Variants in PKHD1 observed in about 807,000 individuals in gnomAD.
The protein encoded by PKHD1 is fibrocystin.
PKHD1 carries 291 observed loss-of-function variants against 412.0 expected under a neutral mutation model. The ratio of observed to expected loss-of-function variants is 0.71; its 90% CI spans 0.64 to 0.78. The LOEUF (loss-of-function observed/expected upper bound fraction) is 0.78, where lower values mean the gene tolerates loss of function less well. Ranked by LOEUF, PKHD1 falls within the 30% of genes least tolerant of loss-of-function variation. The pLI is 0.00. For synonymous variants in PKHD1, 1,777 were observed against 1,821.5 expected (o/e 0.98, Z 0.62); for missense variants, 4,825 against 4,950.7 (o/e 0.97, Z 0.76).
chr6:51,820,664 A>T (rs1284046302), intron 52 of PKHD1, among the ~76,000 whole-genome samples: 2 of 152,186 alleles, frequency 1.3e-5, no homozygotes, highest in Admixed American at 1.3e-4. Flanking sequence ...TCTGGGACAT[A>T]TAAAATGTTA....
At chr6:51,658,426 G>A (rs888525400) in intron 61 of PKHD1, among the ~76,000 whole-genome samples, 1 of 152,102 alleles carries the variant, frequency 6.6e-6, no homozygotes, top group Admixed American at 6.6e-5. Flanking sequence ...GTGTGAGGAC[G>A]TGGTTTTCTT....
At chr6:51,997,768 G>A (rs747009915) in intron 35 of PKHD1, among the ~76,000 whole-genome samples, 7 of 152,208 alleles carry the variant, frequency 4.6e-5, no homozygotes, top group Non-Finnish European at 8.8e-5. Context: ...ACACATCACC[G>A]ATGACATGGG....
chr6:51,912,270 A>G, intron 38 of PKHD1, 96 bp downstream of exon 38: 1 of 819,902 alleles, frequency 1.2e-6, no homozygotes. Flanking sequence ...CAGAAGAAAT[A>G]TATCATTGAA....
At chr6:52,082,667 T>A in intron 3 of PKHD1, 125 bp from the exon 4 acceptor site, 1 of 822,142 alleles carries the variant, frequency 1.2e-6, no homozygotes, top group Non-Finnish European at 2.1e-6. Context: ...AAATTAATAC[T>A]CCTCATTTCC....
intron 60 of PKHD1, among the ~76,000 whole-genome samples, chr6:51,666,858 T>C (rs1471509858): frequency 6.6e-6 from 1 of 152,088 alleles, no homozygotes; most frequent in Admixed American, 6.5e-5. Context: ...TCCATGTCCC[T>C]ACAAAGGACA....
At chr6:51,715,322 C>T (rs567980642) in intron 60 of PKHD1, among the ~76,000 whole-genome samples, 4,272 of 152,218 alleles carry the variant, frequency 0.028, 216 homozygotes, top group African/African-American at 0.098. Context: ...CAACTCCCCT[C>T]CTTCATTATG....
chr6:52,049,398 A>G (rs1032781192), intron 22 of PKHD1, among the ~76,000 whole-genome samples: 12 of 152,238 alleles, frequency 7.9e-5, no homozygotes, highest in Non-Finnish European at 1.6e-4. Flanking sequence ...TCACCGACAG[A>G]TACATTGTTA....
chr6:51,911,605 G>T (rs996074583), intron 39 of PKHD1, among the ~76,000 whole-genome samples, 194 bp downstream of exon 39: 2 of 152,074 alleles, frequency 1.3e-5, no homozygotes, highest in Admixed American at 6.6e-5. Flanking sequence ...TCACAAGGTT[G>T]TTGGGCAGTG....
intron 16 of PKHD1, among the ~76,000 whole-genome samples, chr6:52,057,793 G>A (rs906496326): frequency 4.6e-5 from 7 of 152,176 alleles, no homozygotes; most frequent in South Asian, 2.1e-4. Flanking sequence ...CTTTTAGACT[G>A]TAAGCTTTAG....
At chr6:51,672,090 C>T (rs916760347) in intron 60 of PKHD1, among the ~76,000 whole-genome samples, 1 of 152,186 alleles carries the variant, frequency 6.6e-6, no homozygotes, top group Non-Finnish European at 1.5e-5. Flanking sequence ...TACCCCAATC[C>T]TACATCTCTT....
At chr6:51,697,941 C>T (rs56389801) in intron 60 of PKHD1, among the ~76,000 whole-genome samples, 32,405 of 152,028 alleles carry the variant, frequency 0.21, 4,055 homozygotes, top group African/African-American at 0.35. Flanking sequence ...TAAAACAATG[C>T]TTATACATTC....
chr6:51,702,890 AT>A (rs11447702), intron 60 of PKHD1, among the ~76,000 whole-genome samples: 26,675 of 138,134 alleles, frequency 0.19, 2,538 homozygotes, highest in African/African-American at 0.29. Context: ...TCAGAAATCA[AT>A]TTTTTTTTTT....
chr6:52,079,967 T>C lies in PKHD1; in HGVS notation c.323A>G (p.Glu108Gly). The change falls in exon 5 of 67, where the codon GAA becomes GGA. Residue 108 changes from glutamate to glycine, a missense_variant. Coordinates refer to ENST00000371117, the MANE Select transcript of PKHD1 (RefSeq NM_138694.4). ...TACCAGCTGTCCCCCGAAGTATGCT[T>C]CCAGGAAGTACAGACCCTCATGTGC... ...SEAHEGLYFL[E>G]AYFGGQLVSS... The C allele has an allele frequency of 6.2e-7, 1 of 1,611,808 alleles. No homozygotes were observed. The highest frequency in any genetic ancestry group is 1.7e-5 in the Admixed American group (1 of 59,986).
chr6:51,791,091 G>A, intron 53 of PKHD1, 145 bp downstream of exon 53: 1 of 805,546 alleles, frequency 1.2e-6, no homozygotes, highest in Non-Finnish European at 2.2e-6. Flanking sequence ...TTGCCGAAGA[G>A]CAACTTTACT....
In PKHD1 at chr6:51,659,351, T is replaced by C. The variant is rs761871204; in HGVS notation, c.10775A>G (p.Gln3592Arg). Residue 3592 changes from glutamine (Q) to arginine (R), a missense_variant, in exon 61 of 67, where the codon CAA becomes CGA. By Grantham distance (43) the Gln-to-Arg change is conservative. Coordinates refer to ENST00000371117, the MANE Select transcript of PKHD1 (RefSeq NM_138694.4). The part of the protein sequence containing the change: ...ERLTNFLQIG[Q>R]NQIRFIHEMP... ...CTCGTGAATAAACCTGATTTGGTTT[T>C]GGCCAATCTGTAAGAAGTTAGTTAG... 1.2e-5 allele frequency: 20 copies of C among 1,613,790 alleles called. No individual in the cohort carries two copies. The highest frequency in any genetic ancestry group is 1.2e-4 in the Admixed American group (7 of 59,896).
At chr6:52,060,086 G>A (rs1808446033) in intron 14 of PKHD1, 44 bp from the exon 15 acceptor site, 1 of 1,052,482 alleles carries the variant, frequency 9.5e-7, no homozygotes, top group Non-Finnish European at 1.5e-6. Flanking sequence ...ACCAAGGCCT[G>A]AATCACTGAA....
At chr6:51,649,280 C>A in intron 61 of PKHD1, 60 bp from the exon 62 acceptor site, 2 of 1,250,282 alleles carry the variant, frequency 1.6e-6, no homozygotes, top group Non-Finnish European at 2.3e-6. Context: ...CCTATGGTAG[C>A]AATTTTCCAC....
chr6:51,769,739 T>C (rs1351956529), intron 55 of PKHD1, among the ~76,000 whole-genome samples: 1 of 151,410 alleles, frequency 6.6e-6, no homozygotes, highest in Non-Finnish European at 1.5e-5. Flanking sequence ...TAACTGTCAA[T>C]ATGAAAACTG....
At chr6:51,873,505 G>A (rs1238522049) in intron 46 of PKHD1, among the ~76,000 whole-genome samples, 2 of 152,096 alleles carry the variant, frequency 1.3e-5, no homozygotes. Flanking sequence ...GTTCTTAGTT[G>A]TATACATATA....
Sources: gnomAD v4.1 joint callset for allele counts (sites outside exome capture counted in the v4.1 genomes callset) on GRCh38, gnomAD v4.1.1 for gene constraint, MANE v1.5 for transcripts, NCBI Gene and HGNC (gene_info 2026-07-23, HGNC 2026-07-21) for gene names.